The following MARF1 variants were observed in gnomAD, a reference collection of about 807,000 sequenced individuals.
MARF1 encodes the protein limkain-b1.
A neutral mutation model predicts 168.2 loss-of-function variants in MARF1; 24 were observed. The observed-to-expected ratio is 0.14, with a 90% CI of 0.10 to 0.20. MARF1 has a LOEUF of 0.20. MARF1 is among the 10% of genes least tolerant of loss of function. The pLI is 1.00. For missense variants in MARF1, 1,744 were observed against 2,143.6 expected (o/e 0.81, Z 3.68); for synonymous variants, 868 against 822.4 (o/e 1.06, Z -0.95).
intron 1 of MARF1, among the ~76,000 whole-genome samples, chr16:15,640,496 G>A (rs1853232360): frequency 6.6e-6 from 1 of 152,194 alleles, no homozygotes; most frequent in Admixed American, 6.5e-5. Flanking sequence ...TTGAGCCCAG[G>A]AGTTCCCAAC....
At chr16:15,634,645 C>T in intron 4 of MARF1, 112 bp downstream of exon 4, 1 of 1,020,792 alleles carries the variant, frequency 9.8e-7, no homozygotes, top group Non-Finnish European at 1.4e-6. Context: ...GACTCACATA[C>T]ACAGTAGCTT....
intron 13 of MARF1, among the ~76,000 whole-genome samples, chr16:15,618,421 G>A (rs1166810776): frequency 6.6e-6 from 1 of 152,156 alleles, no homozygotes; most frequent in Non-Finnish European, 1.5e-5. Flanking sequence ...AGCTGCTCAG[G>A]AGCTGCTTCT....
intron 10 of MARF1, 38 bp downstream of exon 10, chr16:15,624,730 AC>A (rs760878155): frequency 6.3e-7 from 1 of 1,575,264 alleles, no homozygotes; most frequent in Non-Finnish European, 8.7e-7. Context: ...CCTTCCTATT[AC>A]ATGTAACCAC....
chr16:15,609,291 T>G (rs1474235488), intron 20 of MARF1, among the ~76,000 whole-genome samples: 1 of 152,092 alleles, frequency 6.6e-6, no homozygotes, highest in African/African-American at 2.4e-5. Context: ...AATCTTTTTT[T>G]CAATAATTAC....
In MARF1 at chr16:15,635,869, C is replaced by A; in HGVS notation, c.618G>T (p.Val206=). Residue 206 remains valine, a synonymous_variant, in exon 3 of 27, where the codon GTG becomes GTT. Coordinates refer to ENST00000396368, the MANE Select transcript of MARF1 (RefSeq NM_014647.4). ...GACTCGGAAACTGATGCAGCTTGTGCACATTACCATGACATGACTGGAAGT... is the reference window on the plus strand; with the variant it reads ...GACTCGGAAACTGATGCAGCTTGTGAACATTACCATGACATGACTGGAAGT... ...KLHFQSCHGN[V]HKLHQFPSLQ... is the part of the protein sequence containing the mutation. 1 of 1,614,192 alleles carries A rather than the reference C, an allele frequency of 6.2e-7. No individual in the cohort carries two copies. Among genetic ancestry groups the A allele is most frequent in the Non-Finnish European group, 8.5e-7 (1 of 1,180,036 alleles).
chr16:15,637,370 C>T (rs747503264), intron 2 of MARF1, among the ~76,000 whole-genome samples: 3 of 152,328 alleles, frequency 2.0e-5, no homozygotes, highest in Middle Eastern at 3.4e-3. Context: ...GTCCATCTGA[C>T]GCCTAAAATT....
At chr16:15,605,341 A>T (rs2032914139) in intron 21 of MARF1, among the ~76,000 whole-genome samples, 1 of 152,172 alleles carries the variant, frequency 6.6e-6, no homozygotes, top group Admixed American at 6.5e-5. Context: ...TGAGAGGCAG[A>T]GAGAGGTGGG....
chr16:15,633,272 A>G (rs983273328), intron 5 of MARF1, among the ~76,000 whole-genome samples: 1 of 151,760 alleles, frequency 6.6e-6, no homozygotes, highest in African/African-American at 2.4e-5. Context: ...ACAAGCCTCC[A>G]CCACCTAACC....
At chr16:15,613,129 G>A (rs2033719300) in intron 16 of MARF1, among the ~76,000 whole-genome samples, 1 of 152,170 alleles carries the variant, frequency 6.6e-6, no homozygotes, top group African/African-American at 2.4e-5. Flanking sequence ...TTGGTCATGT[G>A]GAACGTACCT....
intron 10 of MARF1, 94 bp from the exon 11 acceptor site, chr16:15,623,217 G>T: frequency 1.2e-6 from 1 of 850,868 alleles, no homozygotes; most frequent in Non-Finnish European, 1.6e-6. Flanking sequence ...ATATACAGAA[G>T]CAGATTTTCC....
Position 15,598,860 on chromosome 16 carries a change from G to A in MARF1, c.4978C>T (p.Pro1660Ser). 3 of 1,614,030 alleles carry A rather than the reference G, an allele frequency of 1.9e-6. No homozygotes were observed. Among genetic ancestry groups the A allele is most frequent in the Non-Finnish European group, 8.5e-7 (1 of 1,179,970 alleles). ...ACAACATGGAGTCACCCACCAGAAGGCTCTTGAGGGCGCTCCTCAAACTGA... is the reference window on the plus strand; with the variant it reads ...ACAACATGGAGTCACCCACCAGAAGACTCTTGAGGGCGCTCCTCAAACTGA... ...LIQFEERPQE[P>S]SEIMILNQEE... is the part of the protein sequence containing the mutation. Residue 1660 changes from proline (P) to serine (S), a missense_variant, in exon 26 of 27, where the codon CCT becomes TCT. Physicochemically the swap from Pro to Ser is moderately conservative, Grantham distance 74. This residue lies in a region of MARF1 where 313 missense variants were observed against 337.4 expected (regional missense o/e 0.93). Coordinates refer to ENST00000396368, the MANE Select transcript of MARF1 (RefSeq NM_014647.4).
At chr16:15,622,400 TTTTC>T (rs1191646961) in intron 11 of MARF1, among the ~76,000 whole-genome samples, 1 of 152,062 alleles carries the variant, frequency 6.6e-6, no homozygotes, top group Non-Finnish European at 1.5e-5. Context: ...CTTTTTTTTT[TTTTC>T]TTTCTGAGAT....
At chr16:15,633,138 C>T (rs2035356245) in intron 5 of MARF1, among the ~76,000 whole-genome samples, 1 of 143,772 alleles carries the variant, frequency 7.0e-6, no homozygotes, top group African/African-American at 2.5e-5. Context: ...TATCATTAAA[C>T]AAATTTTCAA....
chr16:15,605,660 T>C (rs1038432545), intron 21 of MARF1, among the ~76,000 whole-genome samples: 3 of 152,056 alleles, frequency 2.0e-5, no homozygotes, highest in Admixed American at 2.0e-4. Flanking sequence ...TGCATTAGAA[T>C]TGCCTGGGGA....
At chr16:15,627,671 AAACTT>A (rs2034965764) in intron 7 of MARF1, among the ~76,000 whole-genome samples, 2 of 152,298 alleles carry the variant, frequency 1.3e-5, no homozygotes, top group South Asian at 4.1e-4. Flanking sequence ...CACCAGGAGA[AAACTT>A]AAGATAATTA....
Position 15,604,179 on chromosome 16 carries a change from A to G in MARF1, c.4402T>C (p.Tyr1468His), listed in dbSNP as rs368216867. Residue 1468 changes from tyrosine to histidine, a missense_variant, in exon 22 of 27, where the codon TAC (tyrosine) becomes CAC (histidine). Physicochemically the swap from Tyr to His is moderately conservative, Grantham distance 83. This residue lies in a region of MARF1 where 9 missense variants were observed against 27.7 expected (regional missense o/e 0.32). Coordinates refer to ENST00000396368, the MANE Select transcript of MARF1 (RefSeq NM_014647.4). ...TLTELLKSLP[Y>H]LVEVFTNDKM... ...ATTAACGTGCCTACCTCAACCAAGT[A>G]TGGCAGGCTCTTCAGCAGTTCGGTC... 1 of 1,612,344 alleles carries G rather than the reference A, an allele frequency of 6.2e-7. No homozygotes were observed. Among genetic ancestry groups the G allele is most frequent in the Non-Finnish European group, 8.5e-7 (1 of 1,178,472 alleles).
At chr16:15,634,606 A>G in intron 4 of MARF1, 151 bp downstream of exon 4, 1 of 688,100 alleles carries the variant, frequency 1.5e-6, no homozygotes, top group Non-Finnish European at 2.2e-6. Flanking sequence ...ATAATAATAA[A>G]AAGATTTCTA....
chr16:15,639,064 A>G, intron 2 of MARF1, 26 bp downstream of exon 2: 6 of 1,603,724 alleles, frequency 3.7e-6, no homozygotes, highest in Non-Finnish European at 5.1e-6. Context: ...GGAATCTGCT[A>G]CATCCTTAGT....
Position 15,609,612 on chromosome 16 carries a change from G to A in MARF1, c.3865C>T (p.His1289Tyr), listed in dbSNP as rs1159787191. The A allele has an allele frequency of 4.3e-6, 7 of 1,614,014 alleles. No individual in the cohort carries two copies. ...MPFNKFIPSY[H>Y]HHFGRQCKLA... Reference sequence around the variant, plus strand: ...TTGCACTGCCGGCCAAAGTGGTGATGGTAAGAAGGGATAAATTTATTAAAG... The same window carrying A: ...TTGCACTGCCGGCCAAAGTGGTGATAGTAAGAAGGGATAAATTTATTAAAG... Residue 1289 changes from histidine to tyrosine, a missense_variant, in exon 20 of 27, where the codon CAT becomes TAT. Physicochemically the swap from His to Tyr is moderately conservative, Grantham distance 83. Around this residue, in one of 7 missense-constraint regions of MARF1, gnomAD observed 543 missense variants for 742.1 expected, o/e 0.73. Transcript: ENST00000396368.
Sources: allele counts gnomAD v4.1 joint callset (sites outside exome capture counted in the v4.1 genomes callset), GRCh38; gene constraint gnomAD v4.1.1; regional missense constraint gnomAD v4.1.1; transcripts MANE v1.5; gene names NCBI Gene and HGNC (gene_info 2026-07-23, HGNC 2026-07-21).